LOC400499: variants seen among roughly 807,000 people sequenced by gnomAD.
chr16:11,428,238 A>C, the LOC400499 span, among the ~76,000 whole-genome samples: 1 of 143,256 alleles, frequency 7.0e-6, no homozygotes, highest in African/African-American at 2.9e-5. Flanking sequence ...GCCGTGGCGT[A>C]ATCTCTCACT....
the LOC400499 span, among the ~76,000 whole-genome samples, chr16:11,467,558 G>A: frequency 6.6e-6 from 1 of 152,068 alleles, no homozygotes. Flanking sequence ...GCTGCAGTGA[G>A]CCATGTTTGC....
At chr16:11,424,274 C>T in the LOC400499 span, 7 of 399,102 alleles carry the variant, frequency 1.8e-5, no homozygotes, top group South Asian at 1.3e-4. Context: ...CGTTCCACAG[C>T]GCCAGGCGTG....
the LOC400499 span, chr16:11,448,817 A>G: frequency 5.1e-6 from 5 of 976,924 alleles, no homozygotes; most frequent in Non-Finnish European, 7.0e-6. Flanking sequence ...AGGCCAAGCC[A>G]GTAGCACAAA....
chr16:11,471,339 T>A, the LOC400499 span: 61,429 of 216,678 alleles, frequency 0.28, 9,167 homozygotes, highest in Admixed American at 0.43. Context: ...GAAACAGAAC[T>A]GATTAAAAGG....
the LOC400499 span, among the ~76,000 whole-genome samples, chr16:11,502,622 T>G: frequency 1.3e-5 from 2 of 151,824 alleles, no homozygotes; most frequent in African/African-American, 4.8e-5. Context: ...ATACTCTTTT[T>G]TTTTTTTTTT....
chr16:11,465,492 CA>C, the LOC400499 span: 35 of 152,268 alleles, frequency 2.3e-4, no homozygotes, highest in African/African-American at 8.4e-4. Flanking sequence ...AACACAGTGA[CA>C]GGGGCTTCAA....
At chr16:11,478,841 G>A in the LOC400499 span, among the ~76,000 whole-genome samples, 5 of 152,266 alleles carry the variant, frequency 3.3e-5, no homozygotes, top group East Asian at 7.7e-4. Context: ...TCATGGGGGC[G>A]GGTCCTTCCC....
chr16:11,403,159 G>A, the LOC400499 span, among the ~76,000 whole-genome samples: 1 of 152,102 alleles, frequency 6.6e-6, no homozygotes, highest in African/African-American at 2.4e-5. Flanking sequence ...GCTGCCCGAG[G>A]CCCCTGTGCA....
the LOC400499 span, among the ~76,000 whole-genome samples, chr16:11,439,132 T>G: frequency 6.6e-6 from 1 of 152,008 alleles, no homozygotes; most frequent in African/African-American, 2.4e-5. Context: ...TTTCTCCACC[T>G]CCAAAATGCC....
chr16:11,456,769 G>A, the LOC400499 span: 191 of 1,424,654 alleles, frequency 1.3e-4, no homozygotes, highest in South Asian at 2.2e-3. Flanking sequence ...AAAGGAAAAG[G>A]TGTTCCAGGA....
At chr16:11,468,402 C>T in the LOC400499 span, among the ~76,000 whole-genome samples, 1 of 151,636 alleles carries the variant, frequency 6.6e-6, no homozygotes, top group Non-Finnish European at 1.5e-5. Context: ...TGGCTCAGTG[C>T]AGCCTTGACC....
At chr16:11,522,402 C>T in the LOC400499 span, among the ~76,000 whole-genome samples, 1 of 152,164 alleles carries the variant, frequency 6.6e-6, no homozygotes, top group Admixed American at 6.5e-5. Context: ...TAGTTGGGGC[C>T]AGGGAATTCT....
the LOC400499 span, chr16:11,461,265 C>T: frequency 8.0e-6 from 8 of 1,005,018 alleles, no homozygotes; most frequent in South Asian, 1.2e-4. Context: ...CCCTGCACAA[C>T]AGGCCACAGA....
At chr16:11,408,945 A>T in the LOC400499 span, among the ~76,000 whole-genome samples, 20 of 152,182 alleles carry the variant, frequency 1.3e-4, no homozygotes, top group African/African-American at 4.8e-4. Context: ...TCAATTTTTT[A>T]GTGTCTAAAA....
the LOC400499 span, chr16:11,399,942 C>T: frequency 2.5e-6 from 1 of 397,640 alleles, no homozygotes; most frequent in Non-Finnish European, 4.4e-6. Context: ...AAGCTGGTGC[C>T]CCTCCCCCAG....
At chr16:11,423,410 G>T in the LOC400499 span, among the ~76,000 whole-genome samples, 2 of 152,222 alleles carry the variant, frequency 1.3e-5, no homozygotes, top group African/African-American at 4.8e-5. Context: ...GGACTTGAGG[G>T]CGAAGCCACG....
the LOC400499 span, chr16:11,448,874 G>C: frequency 7.3e-7 from 1 of 1,360,916 alleles, no homozygotes; most frequent in Admixed American, 2.2e-5. Flanking sequence ...ACCGAGGTGA[G>C]GGATTCGGTG....
the LOC400499 span, among the ~76,000 whole-genome samples, chr16:11,389,685 C>CAAAAAAAA: frequency 5.1e-5 from 3 of 58,950 alleles, no homozygotes; most frequent in African/African-American, 1.4e-4. Context: ...AACTCCATCT[C>CAAAAAAAA]AAAAAAAAAA....
At chr16:11,518,103 C>T in the LOC400499 span, among the ~76,000 whole-genome samples, 1 of 152,164 alleles carries the variant, frequency 6.6e-6, no homozygotes, top group Non-Finnish European at 1.5e-5. Flanking sequence ...GTGACAACCC[C>T]TGGCCCCGCT....
Sources: gnomAD v4.1 joint callset for allele counts (sites outside exome capture counted in the v4.1 genomes callset) on GRCh38, gnomAD v4.1.1 for gene constraint, MANE v1.5 for transcripts.